The following TBK1 variants were observed in gnomAD, a reference collection of about 807,000 sequenced individuals.
TBK1 encodes TANK binding kinase 1.
TBK1 carries 37 observed loss-of-function variants against 99.9 expected under a neutral mutation model. The ratio of observed to expected loss-of-function variants is 0.37; its 90% CI spans 0.28 to 0.49. The LOEUF (loss-of-function observed/expected upper bound fraction) is 0.49. TBK1 is among the 20% of genes least tolerant of loss of function. The pLI, the probability that TBK1 is intolerant of heterozygous loss-of-function variation, is 0.98. For missense variants in TBK1, 644 were observed against 872.5 expected, an observed-to-expected ratio of 0.74 and a Z score of 3.30; for synonymous variants, 258 against 279.8, an observed-to-expected ratio of 0.92 and a Z score of 0.78.
chr12:64,463,057 G>A (rs1215119236), intron 3 of TBK1, among the ~76,000 whole-genome samples: 3 of 152,142 alleles, frequency 2.0e-5, no homozygotes, highest in African/African-American at 7.2e-5. Context: ...AAGAGCTGTT[G>A]TCCTAAATGT....
intron 13 of TBK1, among the ~76,000 whole-genome samples, chr12:64,492,686 C>G (rs2040881603): frequency 6.6e-6 from 1 of 151,918 alleles, no homozygotes; most frequent in Non-Finnish European, 1.5e-5. Context: ...GGACTTCTCA[C>G]TTCAAGCCAA....
At position 64,490,061 on chromosome 12, in the gene TBK1, T is replaced by G. The variant is rs566611152; in HGVS notation, c.1463T>G (p.Ile488Ser). The change falls in exon 13 of 21, where the codon ATC (isoleucine) becomes AGC (serine). Residue 488 changes from isoleucine to serine, a missense_variant. Ile to Ser is a moderately radical substitution (Grantham distance 142). Around this residue, in one of 3 missense-constraint regions of TBK1, gnomAD observed 465 missense variants for 588.0 expected, o/e 0.79. Transcript: ENST00000331710. ...TACAGATATGAAAAGTTGATGAAGATCAACCTGGAAGCGGCAGAGTTAGGT... is the reference window on the plus strand; with the variant it reads ...TACAGATATGAAAAGTTGATGAAGAGCAACCTGGAAGCGGCAGAGTTAGGT... ...TVKVYEKLMK[I>S]NLEAAELGEI... 3 of 1,609,448 alleles carry G rather than the reference T, an allele frequency of 1.9e-6. No individual in the cohort carries two copies. The highest frequency in any genetic ancestry group is 1.7e-6 in the Non-Finnish European group (2 of 1,177,658).
At chr12:64,470,452 T>A (rs1401537675) in intron 5 of TBK1, among the ~76,000 whole-genome samples, 1 of 152,236 alleles carries the variant, frequency 6.6e-6, no homozygotes, top group Non-Finnish European at 1.5e-5. Flanking sequence ...ACTCATGTTG[T>A]ATTAGTGAAT....
rs1323437329 is a variant in TBK1, at chr12:64,481,862, C to T, written c.833C>T (p.Thr278Ile). The change falls in exon 8 of 21, where the codon ACC becomes ATC. Residue 278 changes from threonine (T) to isoleucine (I), a missense_variant. Thr to Ile is a moderately conservative substitution (Grantham distance 89). Coordinates refer to ENST00000331710, the MANE Select transcript of TBK1 (RefSeq NM_013254.4). The stretch of plus-strand genomic sequence containing the variant: ...TTTAGGGGTCTTCAGGTTCTACTTA[C>T]CCCTGTTCTTGCAAACATCCTTGAA... ...SLSRGLQVLLTPVLANILEAD... is the reference protein window; with the variant it reads ...SLSRGLQVLLIPVLANILEAD... 6.2e-7 allele frequency: 1 copy of T among 1,605,024 alleles called. No individual in the cohort carries two copies. The highest frequency in any genetic ancestry group is 1.7e-5 in the Admixed American group (1 of 58,166).
intron 3 of TBK1, 135 bp from the exon 4 acceptor site, chr12:64,464,199 T>TA (rs1165141831): frequency 4.9e-6 from 3 of 608,274 alleles, no homozygotes; most frequent in Non-Finnish European, 8.1e-6. Context: ...GTTCAACAGA[T>TA]ACTGAATCTC....
intron 5 of TBK1, among the ~76,000 whole-genome samples, chr12:64,467,848 T>G (rs1349328842): frequency 6.6e-6 from 1 of 152,214 alleles, no homozygotes; most frequent in Admixed American, 6.5e-5. Context: ...ATCCTAACAA[T>G]TGGTAACCTC....
In TBK1 at chr12:64,490,131, C is replaced by A. The variant is rs768823016; in HGVS notation, c.1521+12C>A. The A allele has an allele frequency of 1.3e-6, 2 of 1,589,704 alleles. No individual in the cohort carries two copies. Among genetic ancestry groups the A allele is most frequent in the Admixed American group, 1.7e-5 (1 of 57,712 alleles). On this transcript the variant is annotated intron_variant, in intron 13 of 20. Coordinates refer to ENST00000331710, the MANE Select transcript of TBK1 (RefSeq NM_013254.4). Reference sequence around the variant, plus strand: ...CCAAATTGTTGAGAGTAAGTGTTTACAAAATTACGAAATTTGTAAGCTCAT... The same window carrying A: ...CCAAATTGTTGAGAGTAAGTGTTTAAAAAATTACGAAATTTGTAAGCTCAT...
At chr12:64,477,069 A>G (rs2040721482) in intron 6 of TBK1, among the ~76,000 whole-genome samples, 1 of 152,156 alleles carries the variant, frequency 6.6e-6, no homozygotes, top group Non-Finnish European at 1.5e-5. Context: ...TGGTTACCGT[A>G]GCTCTGCAGT....
chr12:64,467,754 TA>T (rs2040621432), intron 5 of TBK1, among the ~76,000 whole-genome samples: 2 of 152,226 alleles, frequency 1.3e-5, no homozygotes, highest in South Asian at 4.1e-4. Flanking sequence ...GTTGTAATTT[TA>T]TAAGATGAAA....
At chr12:64,482,284 C>G (rs2040775505) in intron 8 of TBK1, among the ~76,000 whole-genome samples, 1 of 152,110 alleles carries the variant, frequency 6.6e-6, no homozygotes, top group South Asian at 2.1e-4. Context: ...TGCCTTCTTT[C>G]AAGTTACATA....
chr12:64,464,392 C>T lies in TBK1; in HGVS notation c.287C>T (p.Thr96Ile), dbSNP rs1423888450. 1.2e-6 allele frequency: 2 copies of T among 1,607,686 alleles called. No individual in the cohort carries two copies. Among genetic ancestry groups the T allele is most frequent in the African/African-American group, 1.3e-5 (1 of 74,696 alleles). Residue 96 changes from threonine to isoleucine, a missense_variant, in exon 4 of 21, where the codon ACT becomes ATT. Physicochemically the swap from Thr to Ile is moderately conservative, Grantham distance 89. Transcript: ENST00000331710. ...MEFCPCGSLY[T>I]VLEEPSNAYG... The stretch of plus-strand genomic sequence containing the variant: ...TTTTGTCCATGTGGGAGTTTATACA[C>T]TGTTTTAGAAGAACCTTCTAATGCC...
chr12:64,498,763 C>G (rs2040955727), intron 20 of TBK1, among the ~76,000 whole-genome samples: 1 of 152,028 alleles, frequency 6.6e-6, no homozygotes, highest in Non-Finnish European at 1.5e-5. Context: ...CAAGACCAGC[C>G]TAGGCAACAT....
chr12:64,457,281 G>A (rs1455341706), intron 2 of TBK1, among the ~76,000 whole-genome samples: 3 of 152,190 alleles, frequency 2.0e-5, no homozygotes, highest in Non-Finnish European at 4.4e-5. Flanking sequence ...TGAATCAGAA[G>A]TACCATACAG....
At chr12:64,498,096 C>T (rs1265713988) in intron 20 of TBK1, 57 bp downstream of exon 20, 5 of 1,392,808 alleles carry the variant, frequency 3.6e-6, no homozygotes, top group African/African-American at 1.4e-5. Context: ...TCATTCACAT[C>T]TGTACTTATA....
intron 20 of TBK1, among the ~76,000 whole-genome samples, chr12:64,498,683 C>T (rs867054162): frequency 6.6e-6 from 1 of 152,138 alleles, no homozygotes; most frequent in Non-Finnish European, 1.5e-5. Context: ...TGGCCAGGCA[C>T]GGTGGCTCAC....
rs1460627390 is a variant in TBK1 at position 64,495,512 on chromosome 12, C to T, written c.1551C>T (p.Thr517=). 2 of 1,613,948 alleles carry T rather than the reference C, an allele frequency of 1.2e-6. No homozygotes were observed. The highest frequency in any genetic ancestry group is 4.5e-5 in the East Asian group (2 of 44,866). The part of the protein sequence containing the change: ...RLSSSQGTIE[T]SLQDIDSRLS... ...CCAGTTCTCAGGGAACAATAGAAACCAGTCTTCAGGATATCGACAGCAGAT... is the reference window on the plus strand; with the variant it reads ...CCAGTTCTCAGGGAACAATAGAAACTAGTCTTCAGGATATCGACAGCAGAT... The change falls in exon 14 of 21, where the codon ACC becomes ACT. Residue 517 remains threonine (T), a synonymous_variant. Coordinates refer to ENST00000331710, the MANE Select transcript of TBK1 (RefSeq NM_013254.4).
intron 20 of TBK1, among the ~76,000 whole-genome samples, chr12:64,498,356 A>C (rs6581571): frequency 0.15 from 22,766 of 152,290 alleles, 2,030 homozygotes; most frequent in East Asian, 0.35. Context: ...TTTTTAAGAT[A>C]CCAGCACTTT....
At chr12:64,481,506 C>T (rs2040767498) in intron 7 of TBK1, among the ~76,000 whole-genome samples, 1 of 152,092 alleles carries the variant, frequency 6.6e-6, no homozygotes, top group South Asian at 2.1e-4. Flanking sequence ...CCTATAATCC[C>T]ACCTGCTCAG....
intron 5 of TBK1, among the ~76,000 whole-genome samples, chr12:64,469,485 G>C (rs962421500): frequency 6.6e-6 from 1 of 152,134 alleles, no homozygotes; most frequent in Non-Finnish European, 1.5e-5. Flanking sequence ...TCATTTCTCT[G>C]TTGGTGGTCT....
Sources: gnomAD v4.1 joint callset for allele counts (sites outside exome capture counted in the v4.1 genomes callset) on GRCh38, gnomAD v4.1.1 for gene constraint, gnomAD v4.1.1 regional missense constraint, MANE v1.5 for transcripts, NCBI Gene and HGNC (gene_info 2026-07-23, HGNC 2026-07-21) for gene names.